The following TBX21 variants were observed in gnomAD, a reference collection of about 807,000 sequenced individuals.
TBX21 encodes T-box transcription factor 21.
TBX21 carries 11 observed loss-of-function variants against 52.2 expected under a neutral mutation model. The observed-to-expected ratio is 0.21, with a 90% CI of 0.13 to 0.35. TBX21 has a LOEUF of 0.35. Ranked by LOEUF, TBX21 falls within the 10% of genes least tolerant of loss-of-function variation. The pLI is 1.00. For synonymous variants in TBX21, 300 were observed against 316.1 expected (o/e 0.95, Z 0.54); for missense variants, 625 against 755.1 (o/e 0.83, Z 2.02).
At chr17:47,737,427 T>C (rs1267398200) in intron 1 of TBX21, among the ~76,000 whole-genome samples, 3 of 152,186 alleles carry the variant, frequency 2.0e-5, no homozygotes, top group Non-Finnish European at 4.4e-5. Flanking sequence ...CATTTGGATT[T>C]GTGCATGTGA....
Position 47,733,663 on chromosome 17 carries a change from G to A in TBX21, c.209G>A (p.Arg70His). The change falls in exon 1 of 6, where the codon CGC (arginine) becomes CAC (histidine). Residue 70 changes from arginine (R) to histidine (H), a missense_variant. This residue lies in a region of TBX21 where 221 missense variants were observed against 204.9 expected (regional missense o/e 1.08). Coordinates refer to ENST00000177694, the MANE Select transcript of TBX21 (RefSeq NM_013351.2). The surrounding 1 kb of genome is among the most constrained non-coding windows in gnomAD (Gnocchi z 6.6). ...GGALVPAPPS[R>H]FLGAYAYPPR... ...GCCTTGGTGCCCGCCCCGCCGAGCCGCTTCCTTGGAGCCTACGCCTACCCG... is the reference window on the plus strand; with the variant it reads ...GCCTTGGTGCCCGCCCCGCCGAGCCACTTCCTTGGAGCCTACGCCTACCCG... The A allele has an allele frequency of 1.4e-6, 2 of 1,454,314 alleles. No homozygotes were observed. The highest frequency in any genetic ancestry group is 1.8e-6 in the Non-Finnish European group (2 of 1,106,192). 90.1% of individuals were successfully genotyped at this position (1,454,314 alleles called of 1,614,324 possible). A position where few individuals can be genotyped will look rare whatever the true frequency, so the allele number is the denominator to read the frequency against.
rs144081431 is a variant in TBX21, at chr17:47,735,462, A to G, written c.491+1517A>G. ...GACACAGCCCAAGCTTCTGGTCCCA[A>G]TGTGTCTGAATTGGAAGGGACCCAG... is the stretch of plus-strand genomic sequence containing the variant. On this transcript the variant is annotated intron_variant, in intron 1 of 5. Transcript: ENST00000177694. Among the ~76,000 whole-genome samples, 1,168 of 152,196 alleles carry G rather than the reference A, an allele frequency of 7.7e-3. 15 individuals carry two copies. Among genetic ancestry groups the G allele is most frequent in the African/African-American group, 0.025 (1,021 of 41,520 alleles).
chr17:47,733,570 A>G lies in TBX21; in HGVS notation c.116A>G (p.Glu39Gly), dbSNP rs1020447885. 2.7e-6 allele frequency: 4 copies of G among 1,471,894 alleles called. No individual in the cohort carries two copies. The African/African-American group carries it at 4.4e-5, about 16-fold the overall frequency. The allele number at this position is 1,471,894 out of a possible 1,614,324, so 91.2% of individuals were successfully genotyped here. A position where few individuals can be genotyped will look rare whatever the true frequency, so the allele number is the denominator to read the frequency against. Residue 39 changes from glutamate (E) to glycine (G), a missense_variant, in exon 1 of 6, where the codon GAG (glutamate) becomes GGG (glycine). Physicochemically the swap from Glu to Gly is moderately conservative, Grantham distance 98 (BLOSUM62 -2). Coordinates refer to ENST00000177694, the MANE Select transcript of TBX21 (RefSeq NM_013351.2). The surrounding 1 kb of genome is among the most constrained non-coding windows in gnomAD (Gnocchi z 6.6). ...ADPQHRYFYP[E>G]PGAQDADERR... ...CCGCAGCACCGCTACTTCTACCCGG[A>G]GCCGGGCGCGCAGGACGCGGACGAG...
Position 47,742,813 on chromosome 17 carries a change from GC to G in TBX21, c.646+54del. The stretch of plus-strand genomic sequence containing the variant: ...GGGCTCTGTTTCGCTGGGACTGGGC[GC>G]CCCCTGGTGGGCCCACCAAGCCCCT... On this transcript the variant is annotated intron_variant, in intron 2 of 5. Coordinates refer to ENST00000177694, the MANE Select transcript of TBX21 (RefSeq NM_013351.2). The surrounding 1 kb of genome is among the most constrained non-coding windows in gnomAD (Gnocchi z 4.4). The G allele has an allele frequency of 1.3e-6, 2 of 1,519,074 alleles. No individual in the cohort carries two copies. The highest frequency in any genetic ancestry group is 2.8e-5 in the African/African-American group (2 of 72,524). 94.1% of individuals were successfully genotyped at this position (1,519,074 alleles called of 1,614,324 possible). A position where few individuals can be genotyped will look rare whatever the true frequency, so the allele number is the denominator to read the frequency against.
chr17:47,744,148 C>T (rs369053631), intron 3 of TBX21, 47 bp from the exon 4 acceptor site: 32 of 1,595,734 alleles, frequency 2.0e-5, no homozygotes, highest in African/African-American at 2.7e-5. Context: ...ATGGGATCCT[C>T]GAAATCCTTC....
intron 5 of TBX21, 50 bp downstream of exon 5, chr17:47,744,593 C>G (rs368425299): frequency 1.9e-6 from 3 of 1,610,852 alleles, no homozygotes; most frequent in Non-Finnish European, 2.5e-6. Context: ...GAGACACATC[C>G]TCTCCCTGCC....
At position 47,733,439 on chromosome 17, in the gene TBX21, T is replaced by C; in HGVS notation, c.-16T>C. The C allele has an allele frequency of 1.4e-6, 2 of 1,478,908 alleles. No individual in the cohort carries two copies. 91.6% of individuals were successfully genotyped at this position (1,478,908 alleles called of 1,614,324 possible). A position where few individuals can be genotyped will look rare whatever the true frequency, so the allele number is the denominator to read the frequency against. On this transcript the variant is annotated 5_prime_UTR_variant, in exon 1 of 6. Coordinates refer to ENST00000177694, the MANE Select transcript of TBX21 (RefSeq NM_013351.2). The surrounding 1 kb of genome is among the most constrained non-coding windows in gnomAD (Gnocchi z 6.6). ...CGGGTCCTCGACGGCTACGGGAAGG[T>C]GCCAGCCCGCCCCGGATGGGCATCG... is the stretch of plus-strand genomic sequence containing the variant.
At chr17:47,734,965 G>GT (rs1050792551) in intron 1 of TBX21, among the ~76,000 whole-genome samples, 4 of 152,022 alleles carry the variant, frequency 2.6e-5, no homozygotes, top group African/African-American at 9.7e-5. Context: ...GACTTGTGTG[G>GT]TATTTGTTTA....
intron 1 of TBX21, among the ~76,000 whole-genome samples, chr17:47,739,165 C>T (rs1283328035): frequency 6.6e-6 from 1 of 152,138 alleles, no homozygotes; most frequent in Non-Finnish European, 1.5e-5. Context: ...AGACCCATCA[C>T]CACTCTCGGT....
At position 47,742,650 on chromosome 17, in the gene TBX21, G is replaced by A; in HGVS notation, c.532G>A (p.Glu178Lys). Residue 178 changes from glutamate (E) to lysine (K), a missense_variant, in exon 2 of 6, where the codon GAG becomes AAG. By Grantham distance (56) the Glu-to-Lys change is moderately conservative (BLOSUM62 1). Around this residue, in one of 4 missense-constraint regions of TBX21, gnomAD observed 142 missense variants for 258.5 expected, o/e 0.55. Transcript: ENST00000177694. The surrounding 1 kb of genome is among the most constrained non-coding windows in gnomAD (Gnocchi z 4.4). ...CCTGTCATTTACTGTGGCCGGGCTG[G>A]AGCCCACCAGCCACTACAGGATGTT... is the stretch of plus-strand genomic sequence containing the variant. ...PFLSFTVAGL[E>K]PTSHYRMFVD... The A allele has an allele frequency of 3.1e-6, 5 of 1,599,812 alleles. No individual in the cohort carries two copies. The highest frequency in any genetic ancestry group is 3.4e-6 in the Non-Finnish European group (4 of 1,174,786).
At position 47,745,237 on chromosome 17, in the gene TBX21, C is replaced by A; in HGVS notation, c.1479C>A (p.Gly493=). Residue 493 remains glycine (G), a synonymous_variant, in exon 6 of 6, where the codon GGC becomes GGA. Transcript: ENST00000177694. Reference sequence around the variant, plus strand: ...CGGAATCCAGTGATTCAGGACTGGGCGAAGGAGACTCTAAGAGGAGGCGCG... The same window carrying A: ...CGGAATCCAGTGATTCAGGACTGGGAGAAGGAGACTCTAAGAGGAGGCGCG... ...IRPESSDSGL[G]EGDSKRRRVS... is the part of the protein sequence containing the mutation. The A allele has an allele frequency of 6.2e-7, 1 of 1,614,198 alleles. No individual in the cohort carries two copies. The highest frequency in any genetic ancestry group is 8.5e-7 in the Non-Finnish European group (1 of 1,180,036).
intron 1 of TBX21, among the ~76,000 whole-genome samples, chr17:47,734,319 G>A (rs1223330020): frequency 1.3e-5 from 2 of 152,154 alleles, no homozygotes; most frequent in Non-Finnish European, 1.5e-5. Flanking sequence ...CGGACAGGAC[G>A]CCTGGGCCTC....
At chr17:47,735,602 TA>T (rs1295565481) in intron 1 of TBX21, among the ~76,000 whole-genome samples, 1 of 152,162 alleles carries the variant, frequency 6.6e-6, no homozygotes, top group Non-Finnish European at 1.5e-5. Flanking sequence ...ACAGCCCAGA[TA>T]GTATTTGCTT....
intron 1 of TBX21, among the ~76,000 whole-genome samples, chr17:47,734,554 G>GTGTGTGTGTGTGTGTGTGTGT (rs2032181175): frequency 9.7e-6 from 1 of 102,938 alleles, no homozygotes; most frequent in Non-Finnish European, 1.9e-5. Flanking sequence ...TCATATGTCT[G>GTGTGTGTGTGTGTGTGTGTGT]GTGTGTGTGT....
chr17:47,733,786 C>T lies in TBX21; in HGVS notation c.332C>T (p.Pro111Leu), dbSNP rs758874567. The T allele has an allele frequency of 3.9e-6, 6 of 1,557,230 alleles. No homozygotes were observed. The highest frequency in any genetic ancestry group is 2.4e-5 in the East Asian group (1 of 40,926). ...GYQPGEGYAA[P>L]DPRAGLYPGP... Reference sequence around the variant, plus strand: ...CAGCCGGGCGAGGGCTACGCCGCCCCGGACCCGCGCGCCGGGCTCTACCCG... The same window carrying T: ...CAGCCGGGCGAGGGCTACGCCGCCCTGGACCCGCGCGCCGGGCTCTACCCG... Residue 111 changes from proline (P) to leucine (L), a missense_variant, in exon 1 of 6, where the codon CCG (proline) becomes CTG (leucine). Transcript: ENST00000177694. This position sits in a 1 kb window ranked among gnomAD's most constrained non-coding sequence, Gnocchi z 6.6.
chr17:47,743,291 T>C (rs985508087), intron 3 of TBX21, 99 bp downstream of exon 3: 6 of 1,483,426 alleles, frequency 4.0e-6, no homozygotes, highest in Non-Finnish European at 5.4e-6. Flanking sequence ...TTTGGTTCAT[T>C]TTTTCTTCCT....
At position 47,745,070 on chromosome 17, in the gene TBX21, T is replaced by A; in HGVS notation, c.1312T>A (p.Tyr438Asn). The A allele has an allele frequency of 6.2e-7, 1 of 1,613,388 alleles. No individual in the cohort carries two copies. The highest frequency in any genetic ancestry group is 8.5e-7 in the Non-Finnish European group (1 of 1,180,018). The change falls in exon 6 of 6, where the codon TAC (tyrosine) becomes AAC (asparagine). Residue 438 changes from tyrosine to asparagine, a missense_variant. Transcript: ENST00000177694. ...AGCTGGCTGGCCTGTGGCACCCCAG[T>A]ACCCTCCCAAGATGGGCCCGGCCAG... ...PGAGWPVAPQ[Y>N]PPKMGPASWF...
At chr17:47,744,390 G>C (rs1350196435) in intron 4 of TBX21, 37 bp downstream of exon 4, 4 of 1,614,002 alleles carry the variant, frequency 2.5e-6, no homozygotes, top group Non-Finnish European at 3.4e-6. Context: ...GAGGAGGGCA[G>C]AGTGGGGCCC....
At chr17:47,735,584 C>T (rs549456539) in intron 1 of TBX21, among the ~76,000 whole-genome samples, 13 of 152,326 alleles carry the variant, frequency 8.5e-5, no homozygotes, top group African/African-American at 2.9e-4. Flanking sequence ...GCAGGCAGAG[C>T]TGGCACTACA....
Sources: gnomAD v4.1 joint callset for allele counts (sites outside exome capture counted in the v4.1 genomes callset) on GRCh38, gnomAD v4.1.1 for gene constraint, gnomAD v4.1.1 regional missense constraint, Gnocchi (gnomAD v3.1) non-coding constraint, MANE v1.5 for transcripts, NCBI Gene and HGNC (gene_info 2026-07-23, HGNC 2026-07-21) for gene names.